The following LCP2 variants were observed in gnomAD, a reference collection of about 807,000 sequenced individuals.
The protein encoded by LCP2 is 76 kDa tyrosine phosphoprotein.
A neutral mutation model predicts 74.5 loss-of-function variants in LCP2; 29 were observed. The observed-to-expected ratio is 0.39, with a 90% confidence interval of 0.29 to 0.53. The LOEUF (loss-of-function observed/expected upper bound fraction) is 0.53, where lower values mean the gene tolerates loss of function less well. Ranked by LOEUF, LCP2 falls within the 20% of genes least tolerant of loss-of-function variation. LCP2 has a pLI of 0.72. For missense variants in LCP2, 604 were observed against 634.6 expected (o/e 0.95, Z 0.52); for synonymous variants, 228 against 229.5 (o/e 0.99, Z 0.06).
chr5:170,263,263 T>A (rs57076310), intron 10 of LCP2, among the ~76,000 whole-genome samples: 1,864 of 152,362 alleles, frequency 0.012, 37 homozygotes, highest in African/African-American at 0.042. Flanking sequence ...GTGCTTTTTT[T>A]AAATAAAATC....
chr5:170,289,735 GTCTTT>G (rs1211971440), intron 2 of LCP2, among the ~76,000 whole-genome samples: 1,396 of 88,786 alleles, frequency 0.016, 34 homozygotes, highest in African/African-American at 0.057. Context: ...TTCCTTTCCT[GTCTTT>G]TCTTTTCTTT....
intron 2 of LCP2, among the ~76,000 whole-genome samples, chr5:170,291,831 A>G (rs1762300526): frequency 6.6e-6 from 1 of 152,244 alleles, no homozygotes; most frequent in Admixed American, 6.5e-5. Flanking sequence ...CTCTGTTCTC[A>G]GTGCTAATAG....
At chr5:170,267,242 C>A (rs1761782262) in intron 8 of LCP2, 167 bp from the exon 9 acceptor site, 1 of 675,342 alleles carries the variant, frequency 1.5e-6, no homozygotes, top group Admixed American at 2.5e-5. Flanking sequence ...TATCTGAGCT[C>A]CCTGTTCTAG....
chr5:170,289,591 TTTTCTTTCTTTCTTTC>T (rs147406658), intron 2 of LCP2, among the ~76,000 whole-genome samples: 165 of 149,752 alleles, frequency 1.1e-3, no homozygotes, highest in African/African-American at 4.0e-3. Flanking sequence ...TAACTACTCC[TTTTCTTTCTTTCTTTC>T]TTTCTTTCTT....
At chr5:170,293,146 A>G (rs1762318021) in intron 2 of LCP2, among the ~76,000 whole-genome samples, 164 bp downstream of exon 2, 1 of 152,206 alleles carries the variant, frequency 6.6e-6, no homozygotes, top group Admixed American at 6.5e-5. Context: ...TCTGGATGAT[A>G]GGATCCTGAA....
At chr5:170,251,276 C>T in intron 19 of LCP2, 1 of 194,208 alleles carries the variant, frequency 5.1e-6, no homozygotes, top group Non-Finnish European at 1.1e-5. Context: ...GAGTTAATTC[C>T]CTAAACTTTC....
intron 3 of LCP2, among the ~76,000 whole-genome samples, chr5:170,287,210 G>T (rs968708717): frequency 6.6e-6 from 1 of 152,072 alleles, no homozygotes; most frequent in Non-Finnish European, 1.5e-5. Context: ...TATGATAACC[G>T]TGCTATTATT....
chr5:170,276,134 G>A (rs1762003819), intron 3 of LCP2, among the ~76,000 whole-genome samples: 1 of 152,170 alleles, frequency 6.6e-6, no homozygotes, highest in African/African-American at 2.4e-5. Flanking sequence ...CCAGCTCAGA[G>A]CTCCCCCTTA....
In LCP2 at chr5:170,246,880, T is replaced by C. The variant is rs556231476; in HGVS notation, c.*1817A>G. On this transcript the variant is annotated 3_prime_UTR_variant, in exon 21 of 21. Coordinates refer to ENST00000046794, the MANE Select transcript of LCP2 (RefSeq NM_005565.5). ...TTGAACAGAGAGAGAATGCTAGTCA[T>C]GAAAACATTAGCTTCCCAACATTGA... The C allele has an allele frequency of 2.0e-5, 3 of 152,354 alleles. No homozygotes were observed. In the East Asian group the frequency reaches 5.8e-4, roughly 29 times the overall value. 9.4% of individuals were successfully genotyped at this position (152,354 alleles called of 1,614,324 possible). A position where few individuals can be genotyped will look rare whatever the true frequency, so the allele number is the denominator to read the frequency against.
chr5:170,285,505 A>G (rs748810710), intron 3 of LCP2, among the ~76,000 whole-genome samples: 1 of 152,332 alleles, frequency 6.6e-6, no homozygotes, highest in Middle Eastern at 3.4e-3. Flanking sequence ...TTGTTCTGAG[A>G]TGCAGTTAAG....
chr5:170,288,777 A>G (rs1200802606), intron 2 of LCP2, among the ~76,000 whole-genome samples: 1 of 151,974 alleles, frequency 6.6e-6, no homozygotes, highest in Non-Finnish European at 1.5e-5. Flanking sequence ...TCCACAGTCT[A>G]TTTTCTTCCT....
At chr5:170,251,464 C>G in intron 19 of LCP2, 1 of 260,136 alleles carries the variant, frequency 3.8e-6, no homozygotes, top group Non-Finnish European at 8.1e-6. Flanking sequence ...TTGTCCTGTA[C>G]TTTAAATTTC....
rs973589835 is a variant in LCP2 at position 170,248,442 on chromosome 5, T to G, written c.*255A>C. The G allele has an allele frequency of 5.2e-5, 17 of 325,040 alleles. No homozygotes were observed. The South Asian group carries it at 5.8e-4, about 11-fold the overall frequency. 20.1% of individuals were successfully genotyped at this position (325,040 alleles called of 1,614,324 possible). A position where few individuals can be genotyped will look rare whatever the true frequency, so the allele number is the denominator to read the frequency against. On this transcript the variant is annotated 3_prime_UTR_variant, in exon 21 of 21. Coordinates refer to ENST00000046794, the MANE Select transcript of LCP2 (RefSeq NM_005565.5). ...ATTAAATAATCTTTTAAAAAATGAATTATTACAGTGCACTACTAGACTTCA... is the reference window on the plus strand; with the variant it reads ...ATTAAATAATCTTTTAAAAAATGAAGTATTACAGTGCACTACTAGACTTCA...
intron 20 of LCP2, among the ~76,000 whole-genome samples, chr5:170,249,930 T>C (rs931712200): frequency 5.9e-5 from 9 of 152,250 alleles, no homozygotes; most frequent in Admixed American, 3.9e-4. Flanking sequence ...CAAATACCTC[T>C]GCTCCTATAG....
chr5:170,289,645 CTTTCTTTCTTTCTTTCTTTCTT>C (rs1561978350), intron 2 of LCP2, among the ~76,000 whole-genome samples: 27 of 111,110 alleles, frequency 2.4e-4, no homozygotes, highest in African/African-American at 9.2e-4. Flanking sequence ...TTCTTTCTTT[CTTTCTTTCTTTCTTTCTTTCTT>C]TCTTTCTCTC....
chr5:170,289,617 T>TTTTCTTTCTTTC lies in LCP2; in HGVS notation c.142-1613_142-1602dup, dbSNP rs70979169. On this transcript the variant is annotated intron_variant, in intron 2 of 20. Transcript: ENST00000046794. ...TTTCTTTCTTTCTTTCTTTCTTTCT[T>TTTTCTTTCTTTC]TTTCTTTCTTTCTTTCTTTCTTTCT... Among the ~76,000 whole-genome samples the TTTTCTTTCTTTC allele has an allele frequency of 4.5e-3, 544 of 122,206 alleles. 6 individuals carry two copies. Among genetic ancestry groups the TTTTCTTTCTTTC allele is most frequent in the East Asian group, 0.027 (110 of 4,150 alleles). The allele number at this position is 122,206 out of a possible 152,430, so 80.2% of individuals were successfully genotyped here. A position where few individuals can be genotyped will look rare whatever the true frequency, so the allele number is the denominator to read the frequency against.
intron 2 of LCP2, among the ~76,000 whole-genome samples, chr5:170,289,442 T>C (rs775692814): frequency 2.0e-5 from 3 of 152,186 alleles, no homozygotes; most frequent in Non-Finnish European, 4.4e-5. Context: ...CTTAGCAATG[T>C]GTTCACTGGA....
chr5:170,280,469 T>C (rs752508803), intron 3 of LCP2, among the ~76,000 whole-genome samples: 41 of 152,178 alleles, frequency 2.7e-4, no homozygotes, highest in Non-Finnish European at 5.1e-4. Context: ...TTCTAAATTC[T>C]ATCCTTGTCA....
chr5:170,263,084 C>A (rs1761690768), intron 10 of LCP2, 92 bp from the exon 11 acceptor site: 1 of 1,459,370 alleles, frequency 6.9e-7, no homozygotes, highest in Admixed American at 1.9e-5. Flanking sequence ...TGAGTCTGAA[C>A]CCTCTTGGGG....
Sources: gnomAD v4.1 joint callset for allele counts (sites outside exome capture counted in the v4.1 genomes callset) on GRCh38, gnomAD v4.1.1 for gene constraint, MANE v1.5 for transcripts, NCBI Gene and HGNC (gene_info 2026-07-23, HGNC 2026-07-21) for gene names.